Variants in LRIG1 observed in about 807,000 individuals in gnomAD.
LRIG1 encodes leucine-rich repeats and immunoglobulin-like domains protein 1.
A neutral mutation model predicts 99.2 loss-of-function variants in LRIG1; 48 were observed. That is an observed-to-expected ratio of 0.48 (90% CI 0.38 to 0.62). The LOEUF is 0.62. Among genes scored for constraint, LRIG1 ranks in the 20% least tolerant of loss-of-function variants. The pLI, the probability that LRIG1 is intolerant of heterozygous loss-of-function variation, is 0.00. For missense variants in LRIG1, 1,646 were observed against 1,434.4 expected (o/e 1.15, Z -2.38); for synonymous variants, 772 against 596.1 (o/e 1.29, Z -4.30).
At chr3:66,405,337 T>C (rs1575665400) in intron 8 of LRIG1, 59 bp from the exon 9 acceptor site, 1 of 1,347,292 alleles carries the variant, frequency 7.4e-7, no homozygotes, top group Non-Finnish European at 1.1e-6. Context: ...GAAAGCAAAC[T>C]CTCACCCAGC....
At chr3:66,485,772 A>C (rs527907730) in intron 1 of LRIG1, among the ~76,000 whole-genome samples, 2 of 152,174 alleles carry the variant, frequency 1.3e-5, no homozygotes, top group African/African-American at 4.8e-5. Flanking sequence ...CCCCTTTACC[A>C]AACAGGCAAA....
chr3:66,479,083 C>G (rs1384503146), intron 1 of LRIG1, among the ~76,000 whole-genome samples: 1 of 152,206 alleles, frequency 6.6e-6, no homozygotes, highest in Non-Finnish European at 1.5e-5. Context: ...TGGTCTCCAC[C>G]AAGCACTTCA....
intron 3 of LRIG1, among the ~76,000 whole-genome samples, chr3:66,429,638 TGGG>T (rs1703091161): frequency 6.6e-6 from 1 of 151,628 alleles, no homozygotes; most frequent in East Asian, 1.9e-4. Context: ...ACTGTAATGG[TGGG>T]CACATGTGAT....
chr3:66,434,992 T>C (rs1414391035), intron 3 of LRIG1, among the ~76,000 whole-genome samples: 1 of 151,978 alleles, frequency 6.6e-6, no homozygotes, highest in African/African-American at 2.4e-5. Flanking sequence ...CAAACACAAA[T>C]GTTCATAGCA....
At chr3:66,414,123 T>C (rs1327389336) in intron 5 of LRIG1, among the ~76,000 whole-genome samples, 7 of 152,060 alleles carry the variant, frequency 4.6e-5, no homozygotes, top group East Asian at 1.9e-4. Context: ...ATCGGCCGGG[T>C]GCGGTGGCTC....
At chr3:66,424,230 C>A (rs1047840232) in intron 3 of LRIG1, among the ~76,000 whole-genome samples, 5 of 151,996 alleles carry the variant, frequency 3.3e-5, no homozygotes, top group African/African-American at 9.7e-5. Context: ...CTGGATGACA[C>A]CCCCCACCCC....
At chr3:66,439,575 TAAAAAGAGCC>T (rs1703474653) in intron 3 of LRIG1, among the ~76,000 whole-genome samples, 1 of 150,920 alleles carries the variant, frequency 6.6e-6, no homozygotes, top group Non-Finnish European at 1.5e-5. Context: ...TTTTTTTTTT[TAAAAAGAGCC>T]AAGTCTTACT....
chr3:66,382,182 G>C (rs1701116020), intron 16 of LRIG1, 91 bp downstream of exon 16: 1 of 1,493,804 alleles, frequency 6.7e-7, no homozygotes. Flanking sequence ...TCTAATGCCA[G>C]GTACCTGCCC....
rs773641075 is a variant in LRIG1 at position 66,451,623 on chromosome 3, T to G, written c.301A>C (p.Asn101His). Residue 101 changes from asparagine (N) to histidine (H), a missense_variant, in exon 3 of 19, where the codon AAT becomes CAT. Transcript: ENST00000273261. ...LPNLQEVYLN[N>H]NELTAVPSLG... ...GATGGTACCGCTGTCAACTCATTATTATTGAGGTACCTGTAACAACAACAA... is the reference window on the plus strand; with the variant it reads ...GATGGTACCGCTGTCAACTCATTATGATTGAGGTACCTGTAACAACAACAA... 13 of 1,613,270 alleles carry G rather than the reference T, an allele frequency of 8.1e-6. No homozygotes were observed. The Middle Eastern group carries it at 4.9e-4, about 61-fold the overall frequency.
chr3:66,412,932 G>A lies in LRIG1; in HGVS notation c.730C>T (p.Arg244Ter). 3.7e-6 allele frequency: 6 copies of A among 1,614,188 alleles called. No individual in the cohort carries two copies. Among genetic ancestry groups the A allele is most frequent in the South Asian group, 1.1e-5 (1 of 91,076 alleles). ...LNSLEVLKLQRNNISKLTDGA... is the reference protein window; with the variant it reads ...LNSLEVLKLQ ...TCTGTCAGTTTGCTGATGTTGTTTC[G>A]CTGAAGCTTCAGCACCTCCAAGCTG... The change falls in exon 6 of 19, where the codon CGA (arginine) becomes TGA (stop). Residue 244 changes from arginine (R) to a stop codon, truncating the protein, a stop_gained. Coordinates refer to ENST00000273261, the MANE Select transcript of LRIG1 (RefSeq NM_015541.3). LOFTEE classifies it high-confidence loss of function.
intron 1 of LRIG1, among the ~76,000 whole-genome samples, chr3:66,489,689 G>T (rs1253205888): frequency 6.6e-6 from 1 of 151,966 alleles, no homozygotes; most frequent in African/African-American, 2.4e-5. Flanking sequence ...AAAAATGAGG[G>T]GTCTTAGAAA....
In LRIG1 at chr3:66,383,258, G is replaced by C; in HGVS notation, c.2215C>G (p.His739Asp). The change falls in exon 15 of 19, where the codon CAC becomes GAC. Residue 739 changes from histidine to aspartate, a missense_variant. His to Asp is a moderately conservative substitution (Grantham distance 81). Transcript: ENST00000273261. Reference protein sequence around the residue: ...GDRPLSLTERHHLTPDNQLLV... With the variant: ...GDRPLSLTERDHLTPDNQLLV... ...AGCTGGTTGTCAGGGGTCAAGTGGT[G>C]CCGCTCAGTGAGGCTCAGCGGGCGG... 1 of 1,614,188 alleles carries C rather than the reference G, an allele frequency of 6.2e-7. No homozygotes were observed. The highest frequency in any genetic ancestry group is 1.1e-5 in the South Asian group (1 of 91,084).
At chr3:66,445,922 C>A (rs923214078) in intron 3 of LRIG1, among the ~76,000 whole-genome samples, 1 of 152,056 alleles carries the variant, frequency 6.6e-6, no homozygotes, top group African/African-American at 2.4e-5. Context: ...ATCATGAGGC[C>A]GAGCCTAATT....
At chr3:66,418,398 G>A (rs79282949) in intron 3 of LRIG1, among the ~76,000 whole-genome samples, 6,926 of 152,270 alleles carry the variant, frequency 0.045, 259 homozygotes, top group South Asian at 0.15. Flanking sequence ...TGGCCTGTGC[G>A]CACCTTTAAT....
chr3:66,383,488 A>C, intron 14 of LRIG1, 87 bp from the exon 15 acceptor site: 1 of 1,191,030 alleles, frequency 8.4e-7, no homozygotes, highest in Non-Finnish European at 1.2e-6. Context: ...GGACAATCCA[A>C]CATATCAATG....
chr3:66,398,741 C>G (rs1282175537), intron 10 of LRIG1, among the ~76,000 whole-genome samples: 1 of 152,200 alleles, frequency 6.6e-6, no homozygotes, highest in Non-Finnish European at 1.5e-5. Context: ...TATCCAAATA[C>G]CAACTGAATT....
At chr3:66,431,419 A>T (rs951793504) in intron 3 of LRIG1, among the ~76,000 whole-genome samples, 4 of 152,182 alleles carry the variant, frequency 2.6e-5, no homozygotes, top group African/African-American at 9.7e-5. Context: ...TTAACCAAGA[A>T]GCGTCCGCAC....
In LRIG1 at chr3:66,380,421, A is replaced by ATGAAGATGC. The variant is rs1186353448; in HGVS notation, c.3115_3123dup (p.Ala1039_Ser1041dup). The ATGAAGATGC allele has an allele frequency of 3.7e-6, 6 of 1,614,242 alleles. No homozygotes were observed. The highest frequency in any genetic ancestry group is 2.7e-5 in the African/African-American group (2 of 75,070). On this transcript the variant is annotated inframe_insertion, in exon 19 of 19. Coordinates refer to ENST00000273261, the MANE Select transcript of LRIG1 (RefSeq NM_015541.3). ...GCGCGCTCTGGACTGCCTGAAGTTA[A>ATGAAGATGC]TGAAGATGCAGGCTGTAGCTCTGTG...
At chr3:66,491,932 A>G (rs1701110296) in intron 1 of LRIG1, among the ~76,000 whole-genome samples, 2 of 152,216 alleles carry the variant, frequency 1.3e-5, no homozygotes, top group African/African-American at 2.4e-5. Context: ...GAGTTAGTTT[A>G]TTTAAACTAC....
Sources: allele counts gnomAD v4.1 joint callset (sites outside exome capture counted in the v4.1 genomes callset), GRCh38; gene constraint gnomAD v4.1.1; transcripts MANE v1.5; gene names NCBI Gene and HGNC (gene_info 2026-07-23, HGNC 2026-07-21).